The following PVT1 variants were observed in gnomAD, a reference collection of about 807,000 sequenced individuals.
PVT1 encodes the protein CXCR4/PVT1 fusion.
chr8:128,026,578 C>T (rs374950594), intron 4 of PVT1, among the ~76,000 whole-genome samples: 1 of 152,140 alleles, frequency 6.6e-6, no homozygotes, highest in Non-Finnish European at 1.5e-5. Flanking sequence ...CAACCTGTCT[C>T]TCTGCATGCC....
chr8:127,930,776 C>A (rs1240552734), intron 3 of PVT1, among the ~76,000 whole-genome samples: 1 of 152,100 alleles, frequency 6.6e-6, no homozygotes, highest in Non-Finnish European at 1.5e-5. Flanking sequence ...GCTGAGAACC[C>A]CCTTATAGCA....
intron 4 of PVT1, chr8:128,049,074 G>A: frequency 2.0e-6 from 1 of 489,480 alleles, no homozygotes; most frequent in Non-Finnish European, 4.0e-6. Flanking sequence ...CCCAGCAAGG[G>A]ATGACATTTC....
At chr8:128,093,594 G>A (rs1457242979) in intron 5 of PVT1, among the ~76,000 whole-genome samples, 1 of 152,094 alleles carries the variant, frequency 6.6e-6, no homozygotes, top group Non-Finnish European at 1.5e-5. Flanking sequence ...TATAAGGCTT[G>A]AAAGAGGCCT....
At chr8:127,801,077 G>A (rs1250041607) in intron 2 of PVT1, among the ~76,000 whole-genome samples, 2 of 152,170 alleles carry the variant, frequency 1.3e-5, no homozygotes, top group African/African-American at 4.8e-5. Context: ...GCCTGTGGGG[G>A]TGAGGAGCAG....
At chr8:127,827,988 G>A (rs577665182) in intron 2 of PVT1, among the ~76,000 whole-genome samples, 2 of 152,202 alleles carry the variant, frequency 1.3e-5, no homozygotes, top group South Asian at 2.1e-4. Context: ...TCTACCCAGC[G>A]ACCAATTCTG....
chr8:127,840,112 G>A (rs981437565), intron 2 of PVT1, among the ~76,000 whole-genome samples: 6 of 152,202 alleles, frequency 3.9e-5, no homozygotes, highest in Non-Finnish European at 8.8e-5. Flanking sequence ...GGGGTAGAAG[G>A]TGAAGTCAGA....
chr8:127,878,351 G>T (rs542175835), intron 2 of PVT1, among the ~76,000 whole-genome samples: 2 of 152,320 alleles, frequency 1.3e-5, no homozygotes, highest in Non-Finnish European at 2.9e-5. Context: ...TCTACTAGGT[G>T]CAAGGACCTC....
chr8:127,925,776 G>GGACT (rs1427146385), intron 3 of PVT1, among the ~76,000 whole-genome samples: 1 of 152,002 alleles, frequency 6.6e-6, no homozygotes, highest in Non-Finnish European at 1.5e-5. Context: ...CAAGTAGCTG[G>GGACT]GACTATAGGC....
At position 128,021,290 on chromosome 8, in the gene PVT1, C is replaced by CTTTTTTTTTTTTTTTTTTTTTT. The variant is rs11438511; in HGVS notation, n.912+32020_912+32021insTTTTTTTTTTTTTTTTTTTTTT. On this transcript the variant is annotated intron_variant and non_coding_transcript_variant, in intron 4 of 10. Coordinates refer to ENST00000651587, the Ensembl canonical transcript of PVT1. Reference sequence around the variant, plus strand: ...CCAGTCCGATTCCCCAGGACTTGTGCTTTTTTTTTTTTTTTTTTTTTGAGA... The same window carrying CTTTTTTTTTTTTTTTTTTTTTT: ...CCAGTCCGATTCCCCAGGACTTGTGCTTTTTTTTTTTTTTTTTTTTTTTTTTTTTTTTTTTTTTTTTTTGAGA... 4.9e-5 allele frequency among the ~76,000 whole-genome samples: 4 copies of CTTTTTTTTTTTTTTTTTTTTTT among 81,140 alleles called. 1 individual carries two copies. The highest frequency in any genetic ancestry group is 1.9e-4 in the African/African-American group (4 of 20,874). 53.2% of individuals were successfully genotyped at this position (81,140 alleles called of 152,430 possible). A position where few individuals can be genotyped will look rare whatever the true frequency, so the allele number is the denominator to read the frequency against.
chr8:127,994,176 C>T (rs992097511), intron 4 of PVT1, among the ~76,000 whole-genome samples: 2 of 152,222 alleles, frequency 1.3e-5, no homozygotes, highest in African/African-American at 2.4e-5. Flanking sequence ...CTGCCCACTC[C>T]TAGTCCCTTC....
At chr8:127,929,640 C>T (rs961440148) in intron 3 of PVT1, among the ~76,000 whole-genome samples, 16 of 152,038 alleles carry the variant, frequency 1.1e-4, no homozygotes, top group East Asian at 1.9e-4. Flanking sequence ...TGGTGGCGGG[C>T]GCCTGTAGTC....
At chr8:128,084,649 A>C (rs1814234257) in intron 5 of PVT1, among the ~76,000 whole-genome samples, 1 of 152,260 alleles carries the variant, frequency 6.6e-6, no homozygotes, top group Admixed American at 6.5e-5. Context: ...GTTAAACTAC[A>C]AAGAGCCATT....
At position 127,831,042 on chromosome 8, in the gene PVT1, A is replaced by ACG. The variant is rs1387019171; in HGVS notation, n.372+34972_372+34973dup. Among the ~76,000 whole-genome samples, 766 of 118,950 alleles carry ACG rather than the reference A, an allele frequency of 6.4e-3. 21 individuals are homozygous for ACG. Among genetic ancestry groups the ACG allele is most frequent in the Admixed American group, 0.054 (551 of 10,164 alleles). 78.0% of individuals were successfully genotyped at this position (118,950 alleles called of 152,430 possible). On this transcript the variant is annotated intron_variant and non_coding_transcript_variant, in intron 2 of 10. Transcript: ENST00000651587. ...TTAATAAACTCCTCTTTATATACAT[A>ACG]CGTGTGTGTGTGTGTGTGTGTGTAT...
chr8:127,948,491 A>G (rs1816454134), intron 3 of PVT1: 1 of 157,650 alleles, frequency 6.3e-6, no homozygotes, highest in African/African-American at 2.4e-5. Flanking sequence ...CTTGGTGACT[A>G]TGACTGGATG....
intron 2 of PVT1, among the ~76,000 whole-genome samples, chr8:127,858,644 A>G (rs1229781977): frequency 1.3e-5 from 2 of 151,766 alleles, no homozygotes; most frequent in Non-Finnish European, 2.9e-5. Flanking sequence ...AGGAATGATT[A>G]TTGTACAAGG....
intron 4 of PVT1, among the ~76,000 whole-genome samples, chr8:128,023,133 G>A (rs1817456879): frequency 6.6e-6 from 1 of 152,156 alleles, no homozygotes; most frequent in Non-Finnish European, 1.5e-5. Context: ...CTCCCAAAGT[G>A]CTGGAATTAT....
chr8:128,049,618 G>A (rs555271985), intron 4 of PVT1, among the ~76,000 whole-genome samples: 13 of 152,204 alleles, frequency 8.5e-5, no homozygotes, highest in African/African-American at 2.4e-4. Flanking sequence ...TATCAGGGTG[G>A]ATGCAACACA....
At chr8:127,945,092 G>A (rs763812773) in intron 3 of PVT1, among the ~76,000 whole-genome samples, 1 of 152,170 alleles carries the variant, frequency 6.6e-6, no homozygotes, top group Non-Finnish European at 1.5e-5. Context: ...GTGGGAAGTT[G>A]GATCAGAGGA....
intron 4 of PVT1, among the ~76,000 whole-genome samples, chr8:128,028,790 A>G (rs1266531596): frequency 6.6e-6 from 1 of 152,132 alleles, no homozygotes; most frequent in Non-Finnish European, 1.5e-5. Flanking sequence ...TCGGAGCCTA[A>G]AAGACTCGTG....
Sources: gnomAD v4.1 joint callset for allele counts (sites outside exome capture counted in the v4.1 genomes callset) on GRCh38, gnomAD v4.1.1 for gene constraint, MANE v1.5 for transcripts, NCBI Gene and HGNC (gene_info 2026-07-23, HGNC 2026-07-21) for gene names.